ZNF782: variants seen among roughly 807,000 people sequenced by gnomAD.
ZNF782 encodes the protein zinc finger protein 782.
In ZNF782, 12 loss-of-function variants were observed where a neutral mutation model predicts 13.0. The observed-to-expected ratio is 0.92, with a 90% confidence interval of 0.59 to 1.50. ZNF782 has a LOEUF of 1.50. Ranked by LOEUF, ZNF782 falls within the 40% of genes most tolerant of loss-of-function variation. The probability of loss-of-function intolerance (pLI) is 0.00; values close to 1 mark genes in which losing one functional copy is unlikely to be tolerated. For synonymous variants in ZNF782, 284 were observed against 283.0 expected (o/e 1.00, Z -0.04); for missense variants, 770 against 822.9 (o/e 0.94, Z 0.79).
chr9:96,923,960 C>T, the ZNF782 span, among the ~76,000 whole-genome samples: 2 of 151,506 alleles, frequency 1.3e-5, no homozygotes, highest in Middle Eastern at 3.4e-3. Context: ...CTCATCCTCC[C>T]GAGTAGCTGG....
intron 5 of ZNF782, among the ~76,000 whole-genome samples, chr9:96,823,233 T>C (rs955669187): frequency 1.3e-5 from 2 of 152,200 alleles, no homozygotes; most frequent in Admixed American, 6.5e-5. Context: ...TAGAAAAATA[T>C]TTCCTGACCA....
chr9:96,893,331 T>C, the ZNF782 span: 14 of 152,250 alleles, frequency 9.2e-5, no homozygotes, highest in Admixed American at 5.9e-4. Context: ...TTCCAACTCA[T>C]AGTTAAAAAA....
chr9:96,911,937 C>G, the ZNF782 span, among the ~76,000 whole-genome samples: 2 of 151,950 alleles, frequency 1.3e-5, no homozygotes, highest in African/African-American at 4.8e-5. Context: ...TGGCGGCTCA[C>G]GCCTGTAATC....
the ZNF782 span, among the ~76,000 whole-genome samples, chr9:96,910,843 A>G: frequency 4.0e-5 from 6 of 149,796 alleles, no homozygotes; most frequent in South Asian, 1.1e-3. Flanking sequence ...TCACAGTGTT[A>G]GCCAGTATGG....
chr9:96,907,642 T>C, the ZNF782 span, among the ~76,000 whole-genome samples: 1 of 129,814 alleles, frequency 7.7e-6, no homozygotes, highest in Non-Finnish European at 1.5e-5. Flanking sequence ...TGTCTTTTTG[T>C]GTGTGTGTGT....
upstream of ZNF782, among the ~76,000 whole-genome samples, chr9:96,879,793 ATATGTAG>A (rs1226813668): frequency 6.6e-6 from 1 of 152,224 alleles, no homozygotes; most frequent in African/African-American, 2.4e-5. Flanking sequence ...TTTTTAGCTA[ATATGTAG>A]TATGGTTGAT....
the ZNF782 span, among the ~76,000 whole-genome samples, chr9:96,926,422 A>T: frequency 1.3e-5 from 2 of 152,254 alleles, no homozygotes; most frequent in Non-Finnish European, 2.9e-5. Flanking sequence ...ATTTTGCTTG[A>T]ATTGCTCTCC....
chr9:96,911,438 CAAAAAA>C, the ZNF782 span, among the ~76,000 whole-genome samples: 2 of 28,240 alleles, frequency 7.1e-5, no homozygotes, highest in East Asian at 1.2e-3. Context: ...GACTCTGTCT[CAAAAAA>C]AAAAAAAAAA....
rs138576148 is a variant in ZNF782 at position 96,836,338 on chromosome 9, G to A, written c.142+8552C>T. On this transcript the variant is annotated intron_variant, in intron 4 of 5. Coordinates refer to ENST00000481138, the MANE Select transcript of ZNF782 (RefSeq NM_001001662.3). ...AGCGCTTCTCCTGCCTCAGCCTCCC[G>A]CGTAGCTGAGACTATAGGCGCATGC... 2.3e-3 allele frequency among the ~76,000 whole-genome samples: 348 copies of A among 150,728 alleles called. 1 individual carries two copies. The highest frequency in any genetic ancestry group is 8.0e-3 in the African/African-American group (326 of 40,974).
chr9:96,846,497 AAAAATATTCCATGC>A (rs1386584988), intron 3 of ZNF782, among the ~76,000 whole-genome samples: 1 of 152,198 alleles, frequency 6.6e-6, no homozygotes, highest in Non-Finnish European at 1.5e-5. Context: ...AGGGAAGGAA[AAAAATATTCCATGC>A]AAATGGAAAC....
chr9:96,854,881 C>T (rs1851618232), upstream of ZNF782, among the ~76,000 whole-genome samples: 1 of 150,916 alleles, frequency 6.6e-6, no homozygotes, highest in South Asian at 2.1e-4. Context: ...CTTTTGTGAA[C>T]TGTGAAAAAA....
the ZNF782 span, among the ~76,000 whole-genome samples, chr9:96,880,772 A>G: frequency 6.6e-6 from 1 of 152,178 alleles, no homozygotes; most frequent in Non-Finnish European, 1.5e-5. Flanking sequence ...TTTGGCTTTG[A>G]TATCAGCATA....
chr9:96,841,020 A>T (rs1463723238), intron 4 of ZNF782, among the ~76,000 whole-genome samples: 1 of 151,978 alleles, frequency 6.6e-6, no homozygotes. Context: ...TGAACAAAAA[A>T]ATAAAAGAGC....
intron 1 of ZNF782, among the ~76,000 whole-genome samples, chr9:96,863,651 A>C (rs1851729622): frequency 6.6e-6 from 1 of 152,250 alleles, no homozygotes; most frequent in Non-Finnish European, 1.5e-5. Context: ...AAAATATAGA[A>C]TATATGCACC....
chr9:96,909,109 GC>G, the ZNF782 span, among the ~76,000 whole-genome samples: 1 of 80,868 alleles, frequency 1.2e-5, no homozygotes, highest in Non-Finnish European at 2.6e-5. Flanking sequence ...CATGCAACAG[GC>G]AATCGAACCT....
In ZNF782 at chr9:96,818,427, C is replaced by T; in HGVS notation, c.1596G>A (p.Lys532=). Residue 532 remains lysine (K), a synonymous_variant, in exon 6 of 6, where the codon AAG becomes AAA. Coordinates refer to ENST00000481138, the MANE Select transcript of ZNF782 (RefSeq NM_001001662.3). The part of the protein sequence containing the change: ...RKHHRTHTGE[K]PYKCNQCGKA... ...TTCCACACTGATTACATTTGTAGGG[C>T]TTCTCCCCTGTGTGTGTTCTATGAT... 4 of 1,613,250 alleles carry T rather than the reference C, an allele frequency of 2.5e-6. No homozygotes were observed. Among genetic ancestry groups the T allele is most frequent in the Non-Finnish European group, 3.4e-6 (4 of 1,179,750 alleles).
the ZNF782 span, chr9:96,893,219 T>C: frequency 6.6e-6 from 1 of 152,336 alleles, no homozygotes; most frequent in African/African-American, 2.4e-5. Context: ...GAAATCATAC[T>C]GAGCCTTTTC....
intron 4 of ZNF782, among the ~76,000 whole-genome samples, chr9:96,835,217 T>A (rs1850954390): frequency 6.6e-6 from 1 of 152,210 alleles, no homozygotes; most frequent in Non-Finnish European, 1.5e-5. Flanking sequence ...GCATGGTTAC[T>A]TTTAACAGCT....
At chr9:96,878,698 G>T (rs562007250), upstream of ZNF782, among the ~76,000 whole-genome samples, 11 of 152,306 alleles carry the variant, frequency 7.2e-5, no homozygotes, top group South Asian at 2.1e-3. Context: ...TCTTTGTGAT[G>T]GATGTTTGTT....
Sources: allele counts gnomAD v4.1 joint callset (sites outside exome capture counted in the v4.1 genomes callset), GRCh38; gene constraint gnomAD v4.1.1; transcripts MANE v1.5; gene names NCBI Gene and HGNC (gene_info 2026-07-23, HGNC 2026-07-21).